The following ARMC8 variants were observed in gnomAD, a reference collection of about 807,000 sequenced individuals.
The protein encoded by ARMC8 is armadillo repeat containing 8.
Under a neutral mutation model 99.3 loss-of-function variants are expected in ARMC8, and 20 were observed. The ratio of observed to expected loss-of-function variants is 0.20; its 90% CI spans 0.14 to 0.29. ARMC8 has a LOEUF of 0.29. Among genes scored for constraint, ARMC8 ranks in the 10% least tolerant of loss-of-function variants. ARMC8 has a pLI of 1.00. For missense variants in ARMC8, 569 were observed against 809.5 expected (o/e 0.70, Z 3.60); for synonymous variants, 263 against 278.3 (o/e 0.95, Z 0.55).
At chr3:138,268,725 A>G (rs1358178001) in intron 15 of ARMC8, among the ~76,000 whole-genome samples, 1 of 151,994 alleles carries the variant, frequency 6.6e-6, no homozygotes, top group African/African-American at 2.4e-5. Flanking sequence ...GCAATGAGGT[A>G]TGATCATGCC....
chr3:138,237,107 A>G (rs2046372535), intron 7 of ARMC8, among the ~76,000 whole-genome samples: 2 of 152,046 alleles, frequency 1.3e-5, no homozygotes, highest in Non-Finnish European at 2.9e-5. Context: ...TTTTTTTCCT[A>G]TTCAAAATTA....
intron 15 of ARMC8, among the ~76,000 whole-genome samples, chr3:138,267,716 T>G (rs2048401573): frequency 2.0e-5 from 3 of 152,208 alleles, no homozygotes; most frequent in Admixed American, 1.3e-4. Context: ...TTCTGCATTT[T>G]ATAAAATATT....
intron 12 of ARMC8, among the ~76,000 whole-genome samples, chr3:138,249,442 C>T (rs1259486582): frequency 1.3e-5 from 2 of 151,514 alleles, no homozygotes; most frequent in Non-Finnish European, 2.9e-5. Context: ...TGCTTCATTT[C>T]AAAATAATTT....
In ARMC8 at chr3:138,251,166, C is replaced by CA. The variant is rs879912592; in HGVS notation, c.1134+5996dup. On this transcript the variant is annotated intron_variant, in intron 12 of 21. Coordinates refer to ENST00000469044, the MANE Select transcript of ARMC8 (RefSeq NM_001363941.2). ...TAGGTGACAGAGTGAAACCCTGTCT[C>CA]AAAAAAAAAAAAAGATTGCTGAGCA... 1.4e-3 allele frequency among the ~76,000 whole-genome samples: 172 copies of CA among 127,248 alleles called. 1 individual carries two copies. Among genetic ancestry groups the CA allele is most frequent in the South Asian group, 7.9e-3 (32 of 4,048 alleles). The allele number at this position is 127,248 out of a possible 152,430, so 83.5% of individuals were successfully genotyped here.
At chr3:138,202,549 A>G (rs17204145) in intron 1 of ARMC8, among the ~76,000 whole-genome samples, 27,924 of 152,220 alleles carry the variant, frequency 0.18, 3,168 homozygotes, top group Middle Eastern at 0.27. Flanking sequence ...ATACTTTTAC[A>G]GTTTACAAGG....
chr3:138,255,208 T>TTG (rs1159612945), intron 12 of ARMC8, among the ~76,000 whole-genome samples: 5 of 146,004 alleles, frequency 3.4e-5, no homozygotes, highest in African/African-American at 1.3e-4. Flanking sequence ...TTTTTTTTGT[T>TTG]TTTTTTTTTT....
intron 13 of ARMC8, 141 bp from the exon 14 acceptor site, chr3:138,263,990 C>A: frequency 1.1e-6 from 1 of 948,968 alleles, no homozygotes; most frequent in Non-Finnish European, 1.6e-6. Context: ...CCTCCAAACC[C>A]CATAAAGTGG....
intron 1 of ARMC8, among the ~76,000 whole-genome samples, chr3:138,201,178 C>T (rs1046644688): frequency 7.3e-5 from 11 of 151,482 alleles, no homozygotes; most frequent in Admixed American, 7.2e-4. Context: ...TCCCAAAGTG[C>T]TGGGATTACA....
intron 1 of ARMC8, among the ~76,000 whole-genome samples, chr3:138,194,644 AT>A (rs1362025143): frequency 0.015 from 2,190 of 144,212 alleles, 44 homozygotes; most frequent in African/African-American, 0.045. Flanking sequence ...AGCTGTCATT[AT>A]TTTTTTTTTT....
intron 10 of ARMC8, among the ~76,000 whole-genome samples, chr3:138,239,732 G>A (rs1026906555): frequency 2.0e-5 from 3 of 152,130 alleles, no homozygotes; most frequent in Admixed American, 6.5e-5. Flanking sequence ...GAAAGTCAGC[G>A]TGAAATAATT....
chr3:138,256,458 C>T (rs62280659), intron 12 of ARMC8, among the ~76,000 whole-genome samples: 5 of 145,200 alleles, frequency 3.4e-5, no homozygotes, highest in East Asian at 2.0e-4. Context: ...TCGCCCAGGC[C>T]GGAGTGCAGT....
intron 10 of ARMC8, 103 bp downstream of exon 10, chr3:138,239,631 T>A: frequency 2.2e-5 from 15 of 692,962 alleles, no homozygotes; most frequent in Non-Finnish European, 3.6e-5. Flanking sequence ...CATTATGATA[T>A]ATGTGCATGG....
At chr3:138,272,214 CAA>C (rs2048867602) in intron 16 of ARMC8, among the ~76,000 whole-genome samples, 1 of 152,146 alleles carries the variant, frequency 6.6e-6, no homozygotes, top group Non-Finnish European at 1.5e-5. Context: ...ATTGTGAACA[CAA>C]GAGATGTTTT....
At position 138,270,058 on chromosome 3, in the gene ARMC8, G is replaced by A. The variant is rs1429678107; in HGVS notation, c.1405G>A (p.Ala469Thr). The A allele has an allele frequency of 6.2e-7, 1 of 1,613,252 alleles. No homozygotes were observed. Among genetic ancestry groups the A allele is most frequent in the Non-Finnish European group, 8.5e-7 (1 of 1,179,518 alleles). Residue 469 changes from alanine (A) to threonine (T), a missense_variant, in exon 16 of 22, where the codon GCC (alanine) becomes ACC (threonine). Around this residue, in one of 2 missense-constraint regions of ARMC8, gnomAD observed 227 missense variants for 417.9 expected, o/e 0.54. Transcript: ENST00000469044. ...ATGGCAGCCAATTTTGGAATCAGGA[G>A]CCGTAGAGCTACTTTGTGGATTAAC... is the stretch of plus-strand genomic sequence containing the variant. ...PSKEPILESG[A>T]VELLCGLTQS... is the part of the protein sequence containing the mutation.
intron 1 of ARMC8, among the ~76,000 whole-genome samples, chr3:138,201,005 TG>T (rs2044032664): frequency 6.8e-6 from 1 of 146,288 alleles, no homozygotes; most frequent in Admixed American, 7.1e-5. Context: ...CTCTGCTTCC[TG>T]GGTTCAAACG....
intron 20 of ARMC8, 101 bp downstream of exon 20, chr3:138,289,221 T>A: frequency 2.3e-6 from 2 of 876,400 alleles, no homozygotes; most frequent in Non-Finnish European, 3.6e-6. Context: ...GAGGCTCTGT[T>A]CTTGGACCAT....
intron 12 of ARMC8, among the ~76,000 whole-genome samples, chr3:138,250,632 AAGG>A (rs1293434614): frequency 6.6e-6 from 1 of 152,198 alleles, no homozygotes; most frequent in Non-Finnish European, 1.5e-5. Flanking sequence ...TAAGAAAAGT[AAGG>A]AGGCCAAAAT....
intron 1 of ARMC8, among the ~76,000 whole-genome samples, chr3:138,205,372 C>T (rs1011527779): frequency 5.3e-5 from 8 of 151,976 alleles, no homozygotes; most frequent in African/African-American, 1.4e-4. Flanking sequence ...TTAATGTGCT[C>T]AGGGAAGTAA....
chr3:138,212,600 C>T (rs1477597541), intron 2 of ARMC8, among the ~76,000 whole-genome samples: 1 of 151,970 alleles, frequency 6.6e-6, no homozygotes, highest in East Asian at 1.9e-4. Context: ...AGCCACCGCG[C>T]CTGGCCTAAG....
Sources: gnomAD v4.1 joint callset for allele counts (sites outside exome capture counted in the v4.1 genomes callset) on GRCh38, gnomAD v4.1.1 for gene constraint, gnomAD v4.1.1 regional missense constraint, MANE v1.5 for transcripts, NCBI Gene and HGNC (gene_info 2026-07-23, HGNC 2026-07-21) for gene names.